ARHGEF17: variants seen among roughly 807,000 people sequenced by gnomAD.
ARHGEF17 encodes the protein 164 kDa Rho-specific guanine-nucleotide exchange factor.
Under a neutral mutation model 174.0 loss-of-function variants are expected in ARHGEF17, and 80 were observed. That is an observed-to-expected ratio of 0.46 (90% confidence interval 0.38 to 0.55). ARHGEF17 has a LOEUF of 0.55. Among genes scored for constraint, ARHGEF17 ranks in the 20% least tolerant of loss-of-function variants. ARHGEF17 has a pLI of 0.00. For synonymous variants in ARHGEF17, 1,311 were observed against 1,189.1 expected, an observed-to-expected ratio of 1.10 and a Z score of -2.11; for missense variants, 2,886 against 2,839.7, an observed-to-expected ratio of 1.02 and a Z score of -0.37.
At position 73,308,895 on chromosome 11, in the gene ARHGEF17, C is replaced by T. The variant is rs1864744125; in HGVS notation, c.257C>T (p.Ser86Phe). 3 of 1,365,236 alleles carry T rather than the reference C, an allele frequency of 2.2e-6. No individual in the cohort carries two copies. The South Asian group carries it at 5.2e-5, about 24-fold the overall frequency. 84.6% of individuals were successfully genotyped at this position (1,365,236 alleles called of 1,614,324 possible). A position where few individuals can be genotyped will look rare whatever the true frequency, so the allele number is the denominator to read the frequency against. Residue 86 changes from serine to phenylalanine, a missense_variant, in exon 1 of 21, where the codon TCC becomes TTC. Ser to Phe is a radical substitution (Grantham distance 155). Coordinates refer to ENST00000263674, the MANE Select transcript of ARHGEF17 (RefSeq NM_014786.4). ...CTCTCGCCGTCGGTTCGCCAGCTCT[C>T]CCGGCGCTTCGACGCGCCGCGTCTG... ...RSLSPSVRQL[S>F]RRFDAPRLDD...
chr11:73,311,484 G>T lies in ARHGEF17; in HGVS notation c.2846G>T (p.Arg949Leu). ...CAGGACCAGACTGGCAGCCTGTCTC[G>T]GGCCCGGCCCTCCTCCAGACACGTT... ...GSQDQTGSLS[R>L]ARPSSRHVRH... The change falls in exon 1 of 21, where the codon CGG (arginine) becomes CTG (leucine). Residue 949 changes from arginine to leucine, a missense_variant. By Grantham distance (102) the Arg-to-Leu change is moderately radical. Transcript: ENST00000263674. The T allele has an allele frequency of 6.2e-7, 1 of 1,613,136 alleles. No individual in the cohort carries two copies. The highest frequency in any genetic ancestry group is 1.1e-5 in the South Asian group (1 of 91,084).
intron 16 of ARHGEF17, 79 bp downstream of exon 16, chr11:73,363,912 C>A: frequency 6.9e-7 from 1 of 1,443,518 alleles, no homozygotes; most frequent in Non-Finnish European, 9.6e-7. Context: ...ATCTGGTCCC[C>A]CTGCTCTACT....
chr11:73,321,444 G>A (rs891160528), intron 1 of ARHGEF17, among the ~76,000 whole-genome samples: 9 of 152,204 alleles, frequency 5.9e-5, no homozygotes, highest in African/African-American at 2.2e-4. Context: ...TGGGCTTTGG[G>A]TTCAGACTGA....
chr11:73,348,691 T>A (rs567326116), intron 2 of ARHGEF17, among the ~76,000 whole-genome samples: 1 of 152,254 alleles, frequency 6.6e-6, no homozygotes, highest in East Asian at 1.9e-4. Flanking sequence ...AAAAAGAGTT[T>A]TAGAGCTGGA....
rs1488969179 is a variant in ARHGEF17, at chr11:73,365,237, G to A, written c.5551-153G>A. 1 of 739,634 alleles carries A rather than the reference G, an allele frequency of 1.4e-6. No individual in the cohort carries two copies. The highest frequency in any genetic ancestry group is 2.2e-6 in the Non-Finnish European group (1 of 454,780). 45.8% of individuals were successfully genotyped at this position (739,634 alleles called of 1,614,324 possible). ...GTAATTCCTGAGAACTAAGTTGGGA[G>A]GTGCTGGTGAAACCAAGCTTCGAAA... On this transcript the variant is annotated intron_variant, in intron 18 of 20. Transcript: ENST00000263674. This position sits in a 1 kb window ranked among gnomAD's most constrained non-coding sequence, Gnocchi z 4.9.
intron 2 of ARHGEF17, among the ~76,000 whole-genome samples, chr11:73,347,629 T>C (rs531569718): frequency 8.1e-4 from 123 of 152,322 alleles, no homozygotes; most frequent in Middle Eastern, 3.4e-3. Flanking sequence ...CCCATAGCTA[T>C]GCTGTCGGAG....
chr11:73,333,086 C>T (rs1865234420), intron 1 of ARHGEF17, among the ~76,000 whole-genome samples: 1 of 152,298 alleles, frequency 6.6e-6, no homozygotes, highest in East Asian at 1.9e-4. Flanking sequence ...TTGCTTTACC[C>T]ACGGAAGAGC....
rs371484458 is a variant in ARHGEF17 at position 73,367,725 on chromosome 11, G to T, written c.6137G>T (p.Ser2046Ile). Residue 2046 changes from serine to isoleucine, a missense_variant, in exon 21 of 21, where the codon AGT (serine) becomes ATT (isoleucine). Transcript: ENST00000263674. ...CTCAGCAGTGGGGGCGGCAGCAGCA[G>T]TGAGACTGTGGGTCGAGACGACAGC... ...FRLSSGGGSS[S>I]ETVGRDDSTN... The T allele has an allele frequency of 1.9e-5, 31 of 1,613,990 alleles. No homozygotes were observed. Among genetic ancestry groups the T allele is most frequent in the Non-Finnish European group, 2.6e-5 (31 of 1,180,026 alleles).
intron 2 of ARHGEF17, among the ~76,000 whole-genome samples, chr11:73,348,871 G>T (rs1320902149): frequency 2.6e-5 from 4 of 152,194 alleles, no homozygotes; most frequent in Non-Finnish European, 4.4e-5. Context: ...TCGGGGTCAG[G>T]GAGGGCTTCC....
At chr11:73,341,495 A>G (rs12273234) in intron 1 of ARHGEF17, among the ~76,000 whole-genome samples, 20,539 of 151,622 alleles carry the variant, frequency 0.14, 1,728 homozygotes, top group African/African-American at 0.24. Flanking sequence ...TTTTTTTAAT[A>G]GAGATGGGGT....
At chr11:73,322,642 C>A (rs1865034903) in intron 1 of ARHGEF17, among the ~76,000 whole-genome samples, 1 of 152,152 alleles carries the variant, frequency 6.6e-6, no homozygotes, top group South Asian at 2.1e-4. Context: ...CCAAGAGGGG[C>A]AGGGAGGTCT....
chr11:73,364,320 C>A (rs1865801413), intron 17 of ARHGEF17, 81 bp downstream of exon 17: 2 of 1,601,942 alleles, frequency 1.2e-6, no homozygotes, highest in South Asian at 1.1e-5. Context: ...TGGCTTTGGG[C>A]AACTCCCAGG....
In ARHGEF17 at chr11:73,359,960, C is replaced by T. The variant is rs766928918; in HGVS notation, c.4206+8C>T. Reference sequence around the variant, plus strand: ...CTTGGTTTCCCCCACCAGGTCTGTGCCCTCTGCCTGACACTGGGGAGCCAG... The same window carrying T: ...CTTGGTTTCCCCCACCAGGTCTGTGTCCTCTGCCTGACACTGGGGAGCCAG... On this transcript the variant is annotated splice_region_variant and intron_variant, in intron 10 of 20. Transcript: ENST00000263674. 3 of 1,596,712 alleles carry T rather than the reference C, an allele frequency of 1.9e-6. No homozygotes were observed. The highest frequency in any genetic ancestry group is 4.5e-5 in the East Asian group (2 of 44,740).
At chr11:73,331,668 G>C (rs1314831222) in intron 1 of ARHGEF17, among the ~76,000 whole-genome samples, 1 of 152,112 alleles carries the variant, frequency 6.6e-6, no homozygotes, top group East Asian at 1.9e-4. Context: ...CTTCTCATTT[G>C]TTTTCCAAAG....
At chr11:73,366,002 T>A in intron 20 of ARHGEF17, 55 bp downstream of exon 20, 2 of 1,556,436 alleles carry the variant, frequency 1.3e-6, no homozygotes, top group African/African-American at 2.7e-5. Flanking sequence ...GGTTTAGGAC[T>A]CCCCACTATC....
intron 1 of ARHGEF17, among the ~76,000 whole-genome samples, chr11:73,341,575 G>A (rs1865369710): frequency 2.0e-5 from 3 of 152,162 alleles, no homozygotes; most frequent in African/African-American, 7.2e-5. Flanking sequence ...GCCTCCCAAA[G>A]TGCTGGGATT....
In ARHGEF17 at chr11:73,308,754, G is replaced by C; in HGVS notation, c.116G>C (p.Arg39Thr). The C allele has an allele frequency of 6.8e-7, 1 of 1,474,238 alleles. No homozygotes were observed. The highest frequency in any genetic ancestry group is 3.0e-5 in the East Asian group (1 of 33,636). 91.3% of individuals were successfully genotyped at this position (1,474,238 alleles called of 1,614,324 possible). ...GAGGACACGGACACCCCCGGCTTGA[G>C]GCGACGCGCCTCGTGCCGGCCGACC... ...REEDTDTPGL[R>T]RRASCRPTTA... The change falls in exon 1 of 21, where the codon AGG becomes ACG. Residue 39 changes from arginine to threonine, a missense_variant. Arg to Thr is a moderately conservative substitution (Grantham distance 71). Transcript: ENST00000263674.
rs1158407432 is a variant in ARHGEF17, at chr11:73,365,034, A to G, written c.5551-356A>G. ...CCATTGTTGGCTGGGCAGGAGTCCA[A>G]AGCCCTGGGTTCAGGCCCCAGCTCT... is the stretch of plus-strand genomic sequence containing the variant. On this transcript the variant is annotated intron_variant, in intron 18 of 20. Transcript: ENST00000263674. The surrounding 1 kb of genome is among the most constrained non-coding windows in gnomAD (Gnocchi z 4.9). The G allele has an allele frequency of 3.1e-6, 1 of 320,920 alleles. No homozygotes were observed. The allele number at this position is 320,920 out of a possible 1,614,324, so 19.9% of individuals were successfully genotyped here. A position where few individuals can be genotyped will look rare whatever the true frequency, so the allele number is the denominator to read the frequency against.
chr11:73,338,036 C>G (rs1865313469), intron 1 of ARHGEF17, among the ~76,000 whole-genome samples: 1 of 152,198 alleles, frequency 6.6e-6, no homozygotes, highest in Admixed American at 6.5e-5. Flanking sequence ...CAGCCAGTCC[C>G]CAGGGAGCCC....
Sources: gnomAD v4.1 joint callset for allele counts (sites outside exome capture counted in the v4.1 genomes callset) on GRCh38, gnomAD v4.1.1 for gene constraint, Gnocchi (gnomAD v3.1) non-coding constraint, MANE v1.5 for transcripts, NCBI Gene and HGNC (gene_info 2026-07-23, HGNC 2026-07-21) for gene names.